PDE3B: variants seen among roughly 807,000 people sequenced by gnomAD.
The protein encoded by PDE3B is cGMP-inhibited 3',5'-cyclic phosphodiesterase 3B.
In PDE3B, 66 loss-of-function variants were observed where a neutral mutation model predicts 116.8. The observed-to-expected ratio is 0.56, with a 90% CI of 0.46 to 0.69. The LOEUF (loss-of-function observed/expected upper bound fraction) is 0.69, where lower values mean the gene tolerates loss of function less well. PDE3B is among the 30% of genes least tolerant of loss of function. The pLI, the probability that PDE3B is intolerant of heterozygous loss-of-function variation, is 0.00. For synonymous variants in PDE3B, 595 were observed against 533.6 expected (o/e 1.12, Z -1.59); for missense variants, 1,384 against 1,368.1 (o/e 1.01, Z -0.18).
intron 7 of PDE3B, among the ~76,000 whole-genome samples, chr11:14,828,447 C>G (rs2133959768): frequency 6.6e-6 from 1 of 152,198 alleles, no homozygotes; most frequent in South Asian, 2.1e-4. Flanking sequence ...TATCCAGCAC[C>G]TACAAGGAAC....
Position 14,664,962 on chromosome 11 carries a change from A to G in PDE3B, c.978+19909A>G, listed in dbSNP as rs543251242. ...TACCAAAGCCGGGCAGAGACACAAC[A>G]AAAAAAGAGAATTTTAGACCAATAT... is the stretch of plus-strand genomic sequence containing the variant. On this transcript the variant is annotated intron_variant, in intron 1 of 15. Coordinates refer to ENST00000282096, the MANE Select transcript of PDE3B (RefSeq NM_000922.4). Among the ~76,000 whole-genome samples the G allele has an allele frequency of 3.3e-5, 5 of 152,248 alleles. No individual in the cohort carries two copies. The East Asian group carries it at 9.6e-4, about 29-fold the overall frequency.
chr11:14,770,690 C>T (rs1426151614), intron 1 of PDE3B, among the ~76,000 whole-genome samples: 1 of 151,452 alleles, frequency 6.6e-6, no homozygotes, highest in African/African-American at 2.4e-5. Flanking sequence ...ATTTTGTGGG[C>T]ACTGGTTCAC....
intron 1 of PDE3B, among the ~76,000 whole-genome samples, chr11:14,754,853 T>C (rs1424514162): frequency 5.3e-5 from 8 of 152,232 alleles, no homozygotes; most frequent in Admixed American, 5.2e-4. Context: ...CTCTATAGGC[T>C]CTTTTGGCTT....
chr11:14,896,172 C>T, the PDE3B span, among the ~76,000 whole-genome samples: 2 of 152,186 alleles, frequency 1.3e-5, no homozygotes, highest in East Asian at 1.9e-4. Flanking sequence ...ATCTTGTATT[C>T]CTTTCCTTGT....
At chr11:14,767,238 A>G (rs965066831) in intron 1 of PDE3B, among the ~76,000 whole-genome samples, 2 of 151,550 alleles carry the variant, frequency 1.3e-5, no homozygotes, top group African/African-American at 4.8e-5. Flanking sequence ...CCATAGCTTC[A>G]TGTCATTATT....
At chr11:14,879,442 T>C in the PDE3B span, 3 of 1,598,308 alleles carry the variant, frequency 1.9e-6, no homozygotes, top group Middle Eastern at 1.7e-4. Flanking sequence ...TCTGAACTTG[T>C]CCTGTCAGAG....
chr11:14,789,219 T>G lies in PDE3B; in HGVS notation c.1392T>G (p.Pro464=). ...SRWDRNNGKR[P]HQEFGISSQG... ...GGGATCGTAATAATGGCAAAAGACCTCACCAAGAATTTGGCATTTCAAGGT... is the reference window on the plus strand; with the variant it reads ...GGGATCGTAATAATGGCAAAAGACCGCACCAAGAATTTGGCATTTCAAGGT... The change falls in exon 4 of 16, where the codon CCT becomes CCG. Residue 464 remains proline (P), a synonymous_variant. Coordinates refer to ENST00000282096, the MANE Select transcript of PDE3B (RefSeq NM_000922.4). 6.2e-7 allele frequency: 1 copy of G among 1,605,464 alleles called. No individual in the cohort carries two copies.
intron 5 of PDE3B, among the ~76,000 whole-genome samples, chr11:14,809,905 A>C (rs973598425): frequency 1.5e-4 from 21 of 139,170 alleles, no homozygotes; most frequent in Non-Finnish European, 2.2e-4. Flanking sequence ...TTTTTTTTTT[A>C]GGTGGTATAG....
In PDE3B at chr11:14,831,627, C is replaced by T. The variant is rs780709892; in HGVS notation, c.1957-13C>T. On this transcript the variant is annotated splice_polypyrimidine_tract_variant and intron_variant, in intron 8 of 15. Coordinates refer to ENST00000282096, the MANE Select transcript of PDE3B (RefSeq NM_000922.4). ...AAAGATAAAATAAAGTTGTTGTTTC[C>T]CTGTATGTACAGATTGAACAGGAAG... 1.7e-5 allele frequency: 25 copies of T among 1,464,594 alleles called. No individual in the cohort carries two copies. The highest frequency in any genetic ancestry group is 2.0e-5 in the Non-Finnish European group (22 of 1,095,154). 90.7% of individuals were successfully genotyped at this position (1,464,594 alleles called of 1,614,324 possible).
chr11:14,804,935 G>C (rs541523258), intron 5 of PDE3B, among the ~76,000 whole-genome samples: 26 of 152,202 alleles, frequency 1.7e-4, no homozygotes, highest in Non-Finnish European at 3.2e-4. Context: ...TACAAAAGTA[G>C]TGAACTTGAA....
the PDE3B span, chr11:14,887,658 C>G: frequency 8.9e-4 from 872 of 985,224 alleles, 10 homozygotes; most frequent in African/African-American, 0.014. Context: ...ATCTTCAAGT[C>G]TCTTTCCCTC....
chr11:14,654,490 T>C (rs891770219), intron 1 of PDE3B, among the ~76,000 whole-genome samples: 2 of 152,020 alleles, frequency 1.3e-5, no homozygotes, highest in African/African-American at 4.8e-5. Flanking sequence ...AAAACAATTT[T>C]AGAAAAGGAA....
At chr11:14,879,163 G>A in the PDE3B span, 2 of 1,613,184 alleles carry the variant, frequency 1.2e-6, no homozygotes, top group Middle Eastern at 1.7e-4. Context: ...ATCCACTGCT[G>A]TCCAGAAATC....
the PDE3B span, chr11:14,877,379 T>C: frequency 3.9e-5 from 6 of 152,166 alleles, no homozygotes; most frequent in African/African-American, 1.4e-4. Flanking sequence ...ATCCTTGTGA[T>C]TGGTTTTAGA....
At chr11:14,869,429 T>C (rs11023368) in intron 15 of PDE3B, 32 bp from the exon 16 acceptor site, 2 of 1,568,652 alleles carry the variant, frequency 1.3e-6, no homozygotes, top group African/African-American at 2.8e-5. Flanking sequence ...CATATTGCTA[T>C]GATTAGAATA....
At chr11:14,718,511 A>G (rs1338426027) in intron 1 of PDE3B, among the ~76,000 whole-genome samples, 2 of 149,226 alleles carry the variant, frequency 1.3e-5, no homozygotes, top group South Asian at 2.1e-4. Flanking sequence ...AATTGACCAC[A>G]TAGTTGGAAG....
At chr11:14,738,326 T>C (rs1856661538) in intron 1 of PDE3B, among the ~76,000 whole-genome samples, 1 of 152,244 alleles carries the variant, frequency 6.6e-6, no homozygotes, top group Non-Finnish European at 1.5e-5. Context: ...TGGCGTGAGA[T>C]GGTATCTCAT....
intron 1 of PDE3B, among the ~76,000 whole-genome samples, chr11:14,715,943 C>T (rs971268703): frequency 1.2e-4 from 19 of 152,180 alleles, no homozygotes; most frequent in African/African-American, 3.9e-4. Context: ...GGAACAGCTC[C>T]GGTCTACAGC....
At chr11:14,863,448 T>C (rs1441098614) in intron 14 of PDE3B, among the ~76,000 whole-genome samples, 1 of 152,190 alleles carries the variant, frequency 6.6e-6, no homozygotes, top group Non-Finnish European at 1.5e-5. Flanking sequence ...CTACTGATGA[T>C]GAGCTTTTTT....
Sources: gnomAD v4.1 joint callset for allele counts (sites outside exome capture counted in the v4.1 genomes callset) on GRCh38, gnomAD v4.1.1 for gene constraint, MANE v1.5 for transcripts, NCBI Gene and HGNC (gene_info 2026-07-23, HGNC 2026-07-21) for gene names.